Variants in SCAPER observed in about 807,000 individuals in gnomAD.
The protein encoded by SCAPER is S phase cyclin A-associated protein in the endoplasmic reticulum.
Under a neutral mutation model 182.2 loss-of-function variants are expected in SCAPER, and 98 were observed. The observed-to-expected ratio is 0.54, with a 90% CI of 0.46 to 0.64. The LOEUF (loss-of-function observed/expected upper bound fraction) is 0.64, where lower values mean the gene tolerates loss of function less well. Ranked by LOEUF, SCAPER falls within the 30% of genes least tolerant of loss-of-function variation. The pLI, the probability that SCAPER is intolerant of heterozygous loss-of-function variation, is 0.00. For synonymous variants in SCAPER, 605 were observed against 564.6 expected, an observed-to-expected ratio of 1.07 and a Z score of -1.01; for missense variants, 1,432 against 1,690.0, an observed-to-expected ratio of 0.85 and a Z score of 2.68.
intron 7 of SCAPER, among the ~76,000 whole-genome samples, chr15:76,798,353 A>AT (rs1568170628): frequency 6.8e-6 from 1 of 147,168 alleles, no homozygotes; most frequent in African/African-American, 2.5e-5. Flanking sequence ...GAGCAAGACT[A>AT]TATCTTAAAA....
At chr15:76,860,103 G>A (rs996224624) in intron 3 of SCAPER, among the ~76,000 whole-genome samples, 8 of 152,038 alleles carry the variant, frequency 5.3e-5, no homozygotes, top group African/African-American at 1.7e-4. Context: ...ATGAAAAATC[G>A]GGTTATGTAC....
At chr15:76,850,179 C>G (rs1045789013) in intron 4 of SCAPER, among the ~76,000 whole-genome samples, 1 of 152,176 alleles carries the variant, frequency 6.6e-6, no homozygotes. Flanking sequence ...AAATAAAGAC[C>G]TTGCACAAAG....
intron 23 of SCAPER, among the ~76,000 whole-genome samples, chr15:76,511,843 ATG>A (rs1555461783): frequency 3.1e-4 from 38 of 123,288 alleles, no homozygotes; most frequent in African/African-American, 1.0e-3. Context: ...ATATATATAT[ATG>A]TGTGTGTGTG....
rs958767906 is a variant in SCAPER at position 76,389,344 on chromosome 15, T to C, written c.3468-7729A>G. On this transcript the variant is annotated intron_variant, in intron 27 of 31. Coordinates refer to ENST00000563290, the MANE Select transcript of SCAPER (RefSeq NM_020843.4). ...GGTGAAACCCTGTCTCTACTAAAAA[T>C]ACGAAAATTAGCCAGGCATGGTGGC... 2.7e-5 allele frequency among the ~76,000 whole-genome samples: 4 copies of C among 148,654 alleles called. No individual in the cohort carries two copies. The East Asian group carries it at 8.0e-4, about 30-fold the overall frequency.
chr15:76,836,183 A>G (rs907951169), intron 5 of SCAPER, among the ~76,000 whole-genome samples: 34 of 152,046 alleles, frequency 2.2e-4, no homozygotes, highest in African/African-American at 8.0e-4. Flanking sequence ...CCAATTCCTA[A>G]CTACCAATGT....
intron 24 of SCAPER, 55 bp downstream of exon 24, chr15:76,504,804 G>A: frequency 2.9e-6 from 4 of 1,399,112 alleles, no homozygotes. Context: ...GAAACCATAG[G>A]GCAGAAATGA....
chr15:76,682,358 G>A (rs907895515), intron 20 of SCAPER, among the ~76,000 whole-genome samples: 3 of 149,698 alleles, frequency 2.0e-5, no homozygotes, highest in African/African-American at 7.4e-5. Flanking sequence ...CCAGCTGAAA[G>A]GGAGGTACCC....
At chr15:76,815,620 G>A (rs2067013628) in intron 5 of SCAPER, among the ~76,000 whole-genome samples, 1 of 152,180 alleles carries the variant, frequency 6.6e-6, no homozygotes. Flanking sequence ...AACAGGAGGT[G>A]AGCAGTGGGC....
At chr15:76,784,133 A>C (rs939419754) in intron 8 of SCAPER, among the ~76,000 whole-genome samples, 3 of 152,176 alleles carry the variant, frequency 2.0e-5, no homozygotes, top group African/African-American at 7.2e-5. Flanking sequence ...TATTTAAAAA[A>C]CCCATCGTCT....
intron 15 of SCAPER, among the ~76,000 whole-genome samples, chr15:76,753,104 C>T (rs750543761): frequency 6.6e-6 from 1 of 151,548 alleles, no homozygotes; most frequent in Non-Finnish European, 1.5e-5. Flanking sequence ...TACACCAATC[C>T]ACTCCTAGGT....
At chr15:76,855,820 TG>T in intron 4 of SCAPER, 1 of 422,766 alleles carries the variant, frequency 2.4e-6, no homozygotes, top group Non-Finnish European at 4.8e-6. Flanking sequence ...ACGCTATTGC[TG>T]GGAGTGTAAA....
intron 20 of SCAPER, among the ~76,000 whole-genome samples, chr15:76,697,931 C>T (rs1047468302): frequency 3.3e-5 from 5 of 151,970 alleles, no homozygotes; most frequent in Admixed American, 6.6e-5. Flanking sequence ...TGAGCCACCG[C>T]GCCTGGCCAC....
At chr15:76,361,857 G>A (rs538852985) in intron 29 of SCAPER, among the ~76,000 whole-genome samples, 1 of 152,018 alleles carries the variant, frequency 6.6e-6, no homozygotes, top group South Asian at 2.1e-4. Context: ...CCTTAACATC[G>A]TAGTAGGAAC....
intron 2 of SCAPER, among the ~76,000 whole-genome samples, chr15:76,878,588 A>C (rs545802492): frequency 2.6e-5 from 4 of 152,296 alleles, no homozygotes; most frequent in African/African-American, 9.6e-5. Flanking sequence ...CAAAGGTCTT[A>C]GATTCAAGAT....
At chr15:76,811,581 G>A (rs1051673010) in intron 5 of SCAPER, among the ~76,000 whole-genome samples, 4 of 151,860 alleles carry the variant, frequency 2.6e-5, no homozygotes, top group East Asian at 3.9e-4. Context: ...ACCTGAAGTC[G>A]GGAGTTCAAG....
chr15:76,864,322 A>C (rs1248931863), intron 2 of SCAPER, among the ~76,000 whole-genome samples: 2 of 152,204 alleles, frequency 1.3e-5, no homozygotes, highest in Non-Finnish European at 2.9e-5. Context: ...TTCAATTCTA[A>C]TATACACATA....
At chr15:76,739,380 G>A (rs949092508) in intron 15 of SCAPER, among the ~76,000 whole-genome samples, 7 of 152,028 alleles carry the variant, frequency 4.6e-5, no homozygotes, top group African/African-American at 1.7e-4. Flanking sequence ...TCATTTAAAG[G>A]AAGCACTTTA....
Position 76,502,383 on chromosome 15 carries a change from T to C in SCAPER, c.2954+2476A>G, listed in dbSNP as rs570308974. Among the ~76,000 whole-genome samples, 64 of 152,280 alleles carry C rather than the reference T, an allele frequency of 4.2e-4. 1 individual carries two copies. In the South Asian group the frequency reaches 9.3e-3, roughly 22 times the overall value. On this transcript the variant is annotated intron_variant, in intron 24 of 31. Transcript: ENST00000563290. ...GTGGCACATATACACCGTGGAATAC[T>C]ATGCAGCCATAAAAAAGGATGAGTT... is the stretch of plus-strand genomic sequence containing the variant.
At chr15:76,896,893 C>T (rs1424975418) in intron 1 of SCAPER, among the ~76,000 whole-genome samples, 1 of 152,078 alleles carries the variant, frequency 6.6e-6, no homozygotes, top group East Asian at 1.9e-4. Context: ...CTACAGTAAG[C>T]TATGATCATT....
Sources: allele counts gnomAD v4.1 joint callset (sites outside exome capture counted in the v4.1 genomes callset), GRCh38; gene constraint gnomAD v4.1.1; transcripts MANE v1.5; gene names NCBI Gene and HGNC (gene_info 2026-07-23, HGNC 2026-07-21).